The following CELA1 variants were observed in gnomAD, a reference collection of about 807,000 sequenced individuals.
CELA1 encodes chymotrypsin-like elastase family member 1.
Under a neutral mutation model 34.8 loss-of-function variants are expected in CELA1, and 28 were observed. The observed-to-expected ratio is 0.80, with a 90% CI of 0.60 to 1.10. CELA1 has a LOEUF of 1.10. Ranked by LOEUF, CELA1 falls within the 50% of genes least tolerant of loss-of-function variation. The pLI, the probability that CELA1 is intolerant of heterozygous loss-of-function variation, is 0.00. For missense variants in CELA1, 288 were observed against 327.5 expected, an observed-to-expected ratio of 0.88 and a Z score of 0.93; for synonymous variants, 140 against 129.8, an observed-to-expected ratio of 1.08 and a Z score of -0.53.
chr12:51,343,670 G>A (rs1041643336), intron 3 of CELA1, 83 bp downstream of exon 3: 2 of 822,650 alleles, frequency 2.4e-6, no homozygotes, highest in Non-Finnish European at 4.1e-6. Flanking sequence ...GCTGTCCAGA[G>A]AGGGCAAAAT....
chr12:51,344,375 CCTT>C (rs1326548783), intron 2 of CELA1, among the ~76,000 whole-genome samples: 1 of 152,104 alleles, frequency 6.6e-6, no homozygotes, highest in African/African-American at 2.4e-5. Context: ...TTTTGGAACT[CCTT>C]CTACCTCTGT....
At chr12:51,333,955 G>A (rs1291177949) in intron 6 of CELA1, among the ~76,000 whole-genome samples, 3 of 152,196 alleles carry the variant, frequency 2.0e-5, no homozygotes, top group Non-Finnish European at 1.5e-5. Context: ...TAGAGCAGAA[G>A]GAAGAGTTGG....
At chr12:51,344,772 C>T (rs1291192245) in intron 2 of CELA1, among the ~76,000 whole-genome samples, 3 of 152,186 alleles carry the variant, frequency 2.0e-5, no homozygotes, top group African/African-American at 7.2e-5. Context: ...GTCTCCAGAG[C>T]TGTACCTTTA....
intron 6 of CELA1, among the ~76,000 whole-genome samples, chr12:51,339,016 CT>C (rs1173456784): frequency 6.6e-6 from 1 of 152,130 alleles, no homozygotes; most frequent in Non-Finnish European, 1.5e-5. Context: ...GCTGATTGAT[CT>C]TGTCAAAATA....
intron 1 of CELA1, 85 bp from the exon 2 acceptor site, chr12:51,345,962 G>T: frequency 1.1e-6 from 1 of 918,616 alleles, no homozygotes; most frequent in Non-Finnish European, 1.7e-6. Flanking sequence ...TGTGCTTTGA[G>T]GAATGTTAGC....
At chr12:51,345,549 T>A (rs990564915) in intron 2 of CELA1, among the ~76,000 whole-genome samples, 1 of 152,202 alleles carries the variant, frequency 6.6e-6, no homozygotes, top group Non-Finnish European at 1.5e-5. Context: ...GCTGAGAATA[T>A]AAATGTATCT....
chr12:51,339,968 G>C lies in CELA1; in HGVS notation c.501C>G (p.Tyr167Ter). The C allele has an allele frequency of 6.2e-7, 1 of 1,614,062 alleles. No individual in the cohort carries two copies. The change falls in exon 6 of 8, where the codon TAC (tyrosine) becomes TAG (stop). Residue 167 changes from tyrosine (Y) to a stop codon, truncating the protein, a stop_gained. Transcript: ENST00000293636. LOFTEE classifies it high-confidence loss of function. Reference protein sequence around the residue: ...GQLAQTLQQAYLPSVDYAICS... With the variant: ...GQLAQTLQQA ...AGATGGCGTAGTCCACAGAGGGCAG[G>C]TAAGCCTGCTGCAGGGTCTGGGCCA...
At position 51,342,570 on chromosome 12, in the gene CELA1, C is replaced by T. The variant is rs1337976841; in HGVS notation, c.326+5G>A. 3.1e-6 allele frequency: 5 copies of T among 1,614,110 alleles called. No individual in the cohort carries two copies. Among genetic ancestry groups the T allele is most frequent in the Non-Finnish European group, 4.2e-6 (5 of 1,179,990 alleles). On this transcript the variant is annotated splice_donor_5th_base_variant and intron_variant, in intron 4 of 7. Coordinates refer to ENST00000293636, the MANE Select transcript of CELA1 (RefSeq NM_001971.6). ...AGCCCAGGGCCAGCTTGGACTTGCT[C>T]CTACCCGGCAGCCACGTTATCGCTG...
At chr12:51,339,808 G>A (rs1946522647) in intron 6 of CELA1, 52 bp downstream of exon 6, 7 of 1,584,040 alleles carry the variant, frequency 4.4e-6, no homozygotes, top group African/African-American at 1.3e-5. Context: ...AGGGGTGGAG[G>A]GATAGGCAGA....
At position 51,339,844 on chromosome 12, in the gene CELA1, C is replaced by T. The variant is rs200145464; in HGVS notation, c.609+16G>A. 10 of 1,597,278 alleles carry T rather than the reference C, an allele frequency of 6.3e-6. No individual in the cohort carries two copies. The Admixed American group carries it at 1.7e-4, about 27-fold the overall frequency. ...GAGTGGCGGGACCTGGGGTGGGACC[C>T]CCTGCAAATGTTCACCTGGCATCCA... On this transcript the variant is annotated intron_variant, in intron 6 of 7. Transcript: ENST00000293636.
Position 51,340,388 on chromosome 12 carries a change from CTTTTTTTT to C in CELA1, c.464-391_464-384del, listed in dbSNP as rs11315182. Among the ~76,000 whole-genome samples the C allele has an allele frequency of 5.8e-5, 7 of 121,540 alleles. No homozygotes were observed. The South Asian group carries it at 8.1e-4, about 14-fold the overall frequency. The allele number at this position is 121,540 out of a possible 152,430, so 79.7% of individuals were successfully genotyped here. A position where few individuals can be genotyped will look rare whatever the true frequency, so the allele number is the denominator to read the frequency against. On this transcript the variant is annotated intron_variant, in intron 5 of 7. Coordinates refer to ENST00000293636, the MANE Select transcript of CELA1 (RefSeq NM_001971.6). ...CATGCTTGTTTCCATTTCTTTCTTT[CTTTTTTTT>C]TTTTTTTTTTGAGATGGAGTTTCAC...
At chr12:51,328,809 A>G (rs1020120676) in intron 7 of CELA1, among the ~76,000 whole-genome samples, 2 of 152,202 alleles carry the variant, frequency 1.3e-5, no homozygotes, top group African/African-American at 2.4e-5. Context: ...CAGACCTTGA[A>G]ATGGCCGTGA....
chr12:51,330,048 C>T (rs753745993), intron 6 of CELA1, among the ~76,000 whole-genome samples: 1 of 152,168 alleles, frequency 6.6e-6, no homozygotes, highest in Non-Finnish European at 1.5e-5. Flanking sequence ...ATTTCATGTT[C>T]TGCCTTGTAT....
chr12:51,343,370 C>A (rs945617683), intron 3 of CELA1, among the ~76,000 whole-genome samples: 2 of 152,122 alleles, frequency 1.3e-5, no homozygotes, highest in African/African-American at 4.8e-5. Flanking sequence ...GACACATGCT[C>A]AAATGTGAAA....
chr12:51,344,979 G>T (rs1946557722), intron 2 of CELA1, among the ~76,000 whole-genome samples: 1 of 151,862 alleles, frequency 6.6e-6, no homozygotes, highest in South Asian at 2.1e-4. Flanking sequence ...ACAAAAATTA[G>T]CTGGGCATGG....
chr12:51,334,600 A>AT (rs1281653141), intron 6 of CELA1, among the ~76,000 whole-genome samples: 6 of 151,846 alleles, frequency 4.0e-5, no homozygotes, highest in East Asian at 1.9e-4. Context: ...CACCCGGCTA[A>AT]TTTTTTTGTA....
intron 6 of CELA1, 40 bp from the exon 7 acceptor site, chr12:51,329,873 TCGG>T: frequency 6.4e-7 from 1 of 1,555,210 alleles, no homozygotes. Context: ...CTCCAGATCT[TCGG>T]GCTTTTGCTT....
In CELA1 at chr12:51,329,834, C is replaced by G. The variant is rs1290164085; in HGVS notation, c.610-1G>C. On this transcript the variant is annotated splice_acceptor_variant, in intron 6 of 7. Coordinates refer to ENST00000293636, the MANE Select transcript of CELA1 (RefSeq NM_001971.6). LOFTEE classifies it high-confidence loss of function. ...AATGGAGGGGGCCCCCAGAGTCACC[C>G]TGCAGGGAGGAGAAACAGAATCCTA... 1.2e-6 allele frequency: 2 copies of G among 1,601,902 alleles called. No homozygotes were observed. Among genetic ancestry groups the G allele is most frequent in the Admixed American group, 1.8e-5 (1 of 56,556 alleles).
At chr12:51,343,981 G>A in intron 2 of CELA1, 128 bp from the exon 3 acceptor site, 1 of 640,730 alleles carries the variant, frequency 1.6e-6, no homozygotes, top group Non-Finnish European at 2.8e-6. Flanking sequence ...GATCAGTTGA[G>A]CCTAGGAGCT....
Sources: gnomAD v4.1 joint callset for allele counts (sites outside exome capture counted in the v4.1 genomes callset) on GRCh38, gnomAD v4.1.1 for gene constraint, MANE v1.5 for transcripts, NCBI Gene and HGNC (gene_info 2026-07-23, HGNC 2026-07-21) for gene names.